Variants in CSMD1 observed in about 807,000 individuals in gnomAD.
CSMD1 encodes the protein CUB and sushi domain-containing protein 1.
Under a neutral mutation model 417.5 loss-of-function variants are expected in CSMD1, and 213 were observed. That is an observed-to-expected ratio of 0.51 (90% confidence interval 0.46 to 0.57). The LOEUF is 0.57. Ranked by LOEUF, CSMD1 falls within the 20% of genes least tolerant of loss-of-function variation. The probability of loss-of-function intolerance (pLI) is 0.00; values close to 1 mark genes in which losing one functional copy is unlikely to be tolerated. For missense variants in CSMD1, 6,923 were observed against 4,529.7 expected, an observed-to-expected ratio of 1.53 and a Z score of -15.17; for synonymous variants, 2,862 against 1,736.8, an observed-to-expected ratio of 1.65 and a Z score of -16.11.
chr8:3,485,417 T>C (rs534592019), intron 11 of CSMD1, among the ~76,000 whole-genome samples: 7 of 152,036 alleles, frequency 4.6e-5, no homozygotes, highest in Non-Finnish European at 1.0e-4. Flanking sequence ...TGGCTATGAT[T>C]ATTAAGGAAA....
intron 41 of CSMD1, among the ~76,000 whole-genome samples, chr8:3,132,978 G>T (rs760095381): frequency 6.6e-6 from 1 of 152,164 alleles, no homozygotes; most frequent in African/African-American, 2.4e-5. Context: ...GTGCCGCTCC[G>T]TTCACCTGGG....
intron 5 of CSMD1, among the ~76,000 whole-genome samples, chr8:3,913,119 G>C (rs773328379): frequency 6.6e-6 from 1 of 152,128 alleles, no homozygotes; most frequent in Non-Finnish European, 1.5e-5. Context: ...TGGTCATGTG[G>C]GGTTTTGGCA....
intron 10 of CSMD1, among the ~76,000 whole-genome samples, chr8:3,530,092 G>A (rs1447466237): frequency 1.3e-5 from 2 of 151,970 alleles, no homozygotes; most frequent in Non-Finnish European, 2.9e-5. Flanking sequence ...TGACACTAAA[G>A]GTTTCAATTT....
intron 1 of CSMD1, among the ~76,000 whole-genome samples, chr8:4,715,712 G>C (rs1034384850): frequency 6.6e-6 from 1 of 152,000 alleles, no homozygotes; most frequent in African/African-American, 2.4e-5. Flanking sequence ...CAAACACCAA[G>C]GTATCACCCT....
intron 33 of CSMD1, among the ~76,000 whole-genome samples, chr8:3,196,133 C>T (rs191569414): frequency 1.9e-3 from 282 of 152,250 alleles, no homozygotes; most frequent in Middle Eastern, 3.4e-3. Flanking sequence ...GTGGTCATTC[C>T]CACTGCTCAT....
At chr8:4,599,779 T>A (rs565127604) in intron 2 of CSMD1, among the ~76,000 whole-genome samples, 7 of 152,202 alleles carry the variant, frequency 4.6e-5, no homozygotes, top group African/African-American at 1.7e-4. Context: ...GTTCACACAG[T>A]GGATACTGTA....
intron 3 of CSMD1, among the ~76,000 whole-genome samples, chr8:4,159,645 G>A (rs1429233942): frequency 6.6e-6 from 1 of 152,166 alleles, no homozygotes; most frequent in Non-Finnish European, 1.5e-5. Flanking sequence ...CTGGAGCACA[G>A]TGGCGCGATC....
In CSMD1 at chr8:4,696,997, C is replaced by G. The variant is rs111913418; in HGVS notation, c.86-59439G>C. ...GACCAGCCTGACGAACATGGTGAAA[C>G]CCTGTCTCTACTAAAAATACAAAAA... is the stretch of plus-strand genomic sequence containing the variant. On this transcript the variant is annotated intron_variant, in intron 1 of 69. Transcript: ENST00000635120. Among the ~76,000 whole-genome samples, 1,495 of 152,136 alleles carry G rather than the reference C, an allele frequency of 9.8e-3. 11 individuals are homozygous for G. Among genetic ancestry groups the G allele is most frequent in the Non-Finnish European group, 0.015 (1,031 of 67,984 alleles).
chr8:4,537,731 C>T (rs756092847), intron 2 of CSMD1, among the ~76,000 whole-genome samples: 12 of 152,234 alleles, frequency 7.9e-5, no homozygotes, highest in South Asian at 6.2e-4. Context: ...AGCGAAGCCA[C>T]GGGAATACGC....
intron 5 of CSMD1, among the ~76,000 whole-genome samples, chr8:3,835,890 G>C (rs1278456880): frequency 6.6e-6 from 1 of 151,878 alleles, no homozygotes; most frequent in African/African-American, 2.4e-5. Flanking sequence ...TTCCATGAAG[G>C]CTTTGATAAG....
At chr8:4,714,152 A>C (rs1808492561) in intron 1 of CSMD1, among the ~76,000 whole-genome samples, 1 of 151,542 alleles carries the variant, frequency 6.6e-6, no homozygotes, top group Admixed American at 6.6e-5. Context: ...CTCAAAAAGA[A>C]AAAAAAAAGA....
intron 16 of CSMD1, among the ~76,000 whole-genome samples, chr8:3,398,391 G>T (rs1262599708): frequency 6.6e-6 from 1 of 151,970 alleles, no homozygotes; most frequent in Non-Finnish European, 1.5e-5. Context: ...TGCTATTGGG[G>T]ATTATTATTA....
At chr8:4,000,477 A>T (rs1442443327) in intron 4 of CSMD1, among the ~76,000 whole-genome samples, 1 of 152,250 alleles carries the variant, frequency 6.6e-6, no homozygotes, top group Non-Finnish European at 1.5e-5. Context: ...AGTGGCTACT[A>T]CTGAGATTCA....
chr8:4,389,303 T>G lies in CSMD1; in HGVS notation c.415+30650A>C, dbSNP rs79351112. 3.9e-3 allele frequency among the ~76,000 whole-genome samples: 587 copies of G among 152,258 alleles called. 24 individuals carry two copies. In the East Asian group the frequency reaches 0.1, roughly 26 times the overall value. On this transcript the variant is annotated intron_variant, in intron 3 of 69. Coordinates refer to ENST00000635120, the MANE Select transcript of CSMD1 (RefSeq NM_033225.6). ...AGGAGAATTAGAAAATGCGATCATA[T>G]AACTATGTAATCCTTGTCATCCTTC...
chr8:4,030,166 G>A (rs1023514992), intron 4 of CSMD1, among the ~76,000 whole-genome samples: 4 of 150,358 alleles, frequency 2.7e-5, no homozygotes, highest in African/African-American at 9.8e-5. Context: ...CCATTCTGGA[G>A]TCTGAAGGAT....
At chr8:3,814,415 A>T (rs1055129270) in intron 5 of CSMD1, among the ~76,000 whole-genome samples, 3 of 152,202 alleles carry the variant, frequency 2.0e-5, no homozygotes, top group African/African-American at 7.2e-5. Context: ...TTAAAAACAA[A>T]CACCTGTCAT....
intron 25 of CSMD1, among the ~76,000 whole-genome samples, chr8:3,296,788 G>C (rs935546630): frequency 4.6e-5 from 7 of 152,264 alleles, no homozygotes; most frequent in Admixed American, 1.3e-4. Context: ...TTGTCATCCA[G>C]TGAACTGAGA....
At chr8:3,670,473 C>A (rs915546589) in intron 7 of CSMD1, among the ~76,000 whole-genome samples, 1 of 146,892 alleles carries the variant, frequency 6.8e-6, no homozygotes, top group Non-Finnish European at 1.5e-5. Flanking sequence ...ATATGTATCC[C>A]ATATATATAT....
At chr8:3,648,136 T>C (rs1352096803) in intron 7 of CSMD1, among the ~76,000 whole-genome samples, 1 of 152,230 alleles carries the variant, frequency 6.6e-6, no homozygotes, top group Non-Finnish European at 1.5e-5. Flanking sequence ...CACTTTACTA[T>C]GGCCCCAGAT....
Sources: gnomAD v4.1 joint callset for allele counts (sites outside exome capture counted in the v4.1 genomes callset) on GRCh38, gnomAD v4.1.1 for gene constraint, MANE v1.5 for transcripts, NCBI Gene and HGNC (gene_info 2026-07-23, HGNC 2026-07-21) for gene names.